Variants in RAC1 observed in about 807,000 individuals in gnomAD.
The protein encoded by RAC1 is ras-related C3 botulinum toxin substrate 1.
RAC1 carries 2 observed loss-of-function variants against 25.2 expected under a neutral mutation model. That is an observed-to-expected ratio of 0.08 (90% CI 0.03 to 0.25). The LOEUF (loss-of-function observed/expected upper bound fraction) is 0.25. Among genes scored for constraint, RAC1 ranks in the 10% least tolerant of loss-of-function variants. RAC1 has a pLI of 1.00. For synonymous variants in RAC1, 88 were observed against 94.0 expected (o/e 0.94, Z 0.37); for missense variants, 50 against 235.7 (o/e 0.21, Z 5.16).
chr7:6,400,032 C>T (rs527519269), intron 3 of RAC1, 94 bp from the exon 4 acceptor site: 2 of 1,125,014 alleles, frequency 1.8e-6, no homozygotes, highest in South Asian at 1.2e-5. Context: ...CGCTCTGCGT[C>T]CAACAAGTCC....
At chr7:6,383,095 G>T (rs1782817884) in intron 1 of RAC1, among the ~76,000 whole-genome samples, 1 of 152,216 alleles carries the variant, frequency 6.6e-6, no homozygotes, top group African/African-American at 2.4e-5. Context: ...TGATTGAAAA[G>T]AGGTTGAACT....
intron 4 of RAC1, 121 bp downstream of exon 4, chr7:6,400,309 A>T: frequency 1.0e-6 from 1 of 968,886 alleles, no homozygotes; most frequent in Non-Finnish European, 1.6e-6. Flanking sequence ...GCAATTTGCT[A>T]CTTAAGTACA....
At chr7:6,381,111 A>T (rs977868175) in intron 1 of RAC1, among the ~76,000 whole-genome samples, 29 of 152,006 alleles carry the variant, frequency 1.9e-4, no homozygotes, top group Admixed American at 1.6e-3. Flanking sequence ...CAGGTGATCC[A>T]CCTGCCTCGG....
rs181286722 is a variant in RAC1 at position 6,379,445 on chromosome 7, G to A, written c.35+4675G>A. 1.4e-3 allele frequency among the ~76,000 whole-genome samples: 210 copies of A among 151,920 alleles called. 1 individual carries two copies. Among genetic ancestry groups the A allele is most frequent in the East Asian group, 6.1e-3 (31 of 5,108 alleles). Reference sequence around the variant, plus strand: ...ACGCTCCACCACACTGACTAATTTCGTATTTTTAATAGAGACGAGGTTTCT... The same window carrying A: ...ACGCTCCACCACACTGACTAATTTCATATTTTTAATAGAGACGAGGTTTCT... On this transcript the variant is annotated intron_variant, in intron 1 of 5. Coordinates refer to ENST00000348035, the MANE Select transcript of RAC1 (RefSeq NM_006908.5).
At chr7:6,375,227 G>A (rs1183297772) in intron 1 of RAC1, among the ~76,000 whole-genome samples, 1 of 152,038 alleles carries the variant, frequency 6.6e-6, no homozygotes, top group Non-Finnish European at 1.5e-5. Flanking sequence ...GATTGTACGG[G>A]CCGCTTTGGT....
chr7:6,393,732 A>G (rs1347321538), intron 3 of RAC1, among the ~76,000 whole-genome samples: 1 of 152,202 alleles, frequency 6.6e-6, no homozygotes, highest in Non-Finnish European at 1.5e-5. Flanking sequence ...GCCCTCAGGT[A>G]GTTCACAGAA....
chr7:6,387,082 ATTTTCT>A, intron 1 of RAC1, 124 bp from the exon 2 acceptor site: 1 of 595,068 alleles, frequency 1.7e-6, no homozygotes. Flanking sequence ...TATAGAAAAC[ATTTTCT>A]TTAATGCTAA....
intron 2 of RAC1, among the ~76,000 whole-genome samples, chr7:6,388,726 TTTAATCA>T (rs1317059298): frequency 6.6e-6 from 1 of 152,154 alleles, no homozygotes; most frequent in Non-Finnish European, 1.5e-5. Flanking sequence ...TAGATAAAGG[TTTAATCA>T]TTAATGATTA....
At chr7:6,394,792 C>T (rs775952635) in intron 3 of RAC1, among the ~76,000 whole-genome samples, 11 of 150,966 alleles carry the variant, frequency 7.3e-5, no homozygotes, top group African/African-American at 1.5e-4. Context: ...GTGACTTTCC[C>T]GCCCTAGTCT....
intron 1 of RAC1, among the ~76,000 whole-genome samples, chr7:6,384,898 T>G (rs760599275): frequency 2.4e-4 from 36 of 152,270 alleles, no homozygotes; most frequent in South Asian, 6.2e-4. Context: ...ACCTCCCTCC[T>G]GGGTTCAAGT....
At chr7:6,383,784 C>CTTTTTTTTTTTTTTTTTTTTTT (rs34847745) in intron 1 of RAC1, among the ~76,000 whole-genome samples, 2 of 39,802 alleles carry the variant, frequency 5.0e-5, no homozygotes, top group African/African-American at 1.7e-4. Context: ...CAACCTTTAT[C>CTTTTTTTTTTTTTTTTTTTTTT]TTTTTTTTTT....
chr7:6,383,722 C>A (rs542861246), intron 1 of RAC1, among the ~76,000 whole-genome samples: 1 of 141,478 alleles, frequency 7.1e-6, no homozygotes, highest in African/African-American at 2.6e-5. Context: ...TCAAAACCTT[C>A]ATAGCAGCTT....
intron 1 of RAC1, chr7:6,376,035 A>G (rs1782583186): frequency 6.6e-6 from 1 of 152,040 alleles, no homozygotes; most frequent in Non-Finnish European, 1.5e-5. Flanking sequence ...GATATTCTTC[A>G]AACTTATCAT....
At chr7:6,387,598 G>T (rs1782958238) in intron 2 of RAC1, among the ~76,000 whole-genome samples, 1 of 151,940 alleles carries the variant, frequency 6.6e-6, no homozygotes, top group South Asian at 2.1e-4. Flanking sequence ...GGTGGCGGGT[G>T]CCTGTAATCC....
intron 1 of RAC1, among the ~76,000 whole-genome samples, chr7:6,381,884 T>A (rs1223254745): frequency 3.3e-5 from 5 of 152,224 alleles, no homozygotes; most frequent in Admixed American, 2.6e-4. Context: ...ATACCTTGTT[T>A]GTCAGTGTAA....
At chr7:6,376,693 A>AT (rs1583255507) in intron 1 of RAC1, among the ~76,000 whole-genome samples, 2 of 65,760 alleles carry the variant, frequency 3.0e-5, no homozygotes, top group South Asian at 4.9e-4. Flanking sequence ...TTTTTTTTGT[A>AT]TTTTTTTGGT....
At chr7:6,385,369 C>G (rs1418388101) in intron 1 of RAC1, among the ~76,000 whole-genome samples, 2 of 151,922 alleles carry the variant, frequency 1.3e-5, no homozygotes, top group African/African-American at 2.4e-5. Context: ...GCTGGTAGTT[C>G]TGCATTAATT....
At position 6,403,776 on chromosome 7, in the gene RAC1, CTG is replaced by C. The variant is rs1418571799; in HGVS notation, c.*1333_*1334del. On this transcript the variant is annotated 3_prime_UTR_variant, in exon 6 of 6. Coordinates refer to ENST00000348035, the MANE Select transcript of RAC1 (RefSeq NM_006908.5). ...CTTTGGGTCTGTGAGGTTCTGTAAA[CTG>C]TGCTAGTGCTGACGATGTTCTGTAC... The C allele has an allele frequency of 2.8e-5, 6 of 211,538 alleles. No individual in the cohort carries two copies. Among genetic ancestry groups the C allele is most frequent in the African/African-American group, 1.1e-4 (5 of 44,050 alleles). The allele number at this position is 211,538 out of a possible 1,614,324, so 13.1% of individuals were successfully genotyped here.
chr7:6,375,985 A>G (rs906552489), intron 1 of RAC1: 3 of 152,086 alleles, frequency 2.0e-5, no homozygotes, highest in African/African-American at 7.2e-5. Flanking sequence ...ATGTTGCAGT[A>G]AAGTCCAAGG....
Sources: gnomAD v4.1 joint callset for allele counts (sites outside exome capture counted in the v4.1 genomes callset) on GRCh38, gnomAD v4.1.1 for gene constraint, MANE v1.5 for transcripts, NCBI Gene and HGNC (gene_info 2026-07-23, HGNC 2026-07-21) for gene names.